LHFPL3: variants seen among roughly 807,000 people sequenced by gnomAD.
LHFPL3 encodes LHFPL tetraspan subfamily member 3, also known as LHFPL tetraspan subfamily member 3 protein.
LHFPL3 carries 5 observed loss-of-function variants against 19.3 expected under a neutral mutation model. That is an observed-to-expected ratio of 0.26 (90% confidence interval 0.14 to 0.54). LHFPL3 has a LOEUF of 0.54. Among genes scored for constraint, LHFPL3 ranks in the 20% least tolerant of loss-of-function variants. LHFPL3 has a pLI of 0.94. For missense variants in LHFPL3, 249 were observed against 307.4 expected (o/e 0.81, Z 1.42); for synonymous variants, 133 against 126.2 (o/e 1.05, Z -0.36).
intron 1 of LHFPL3, among the ~76,000 whole-genome samples, chr7:104,674,240 C>T (rs1005194249): frequency 2.0e-5 from 3 of 150,674 alleles, no homozygotes; most frequent in African/African-American, 7.3e-5. Flanking sequence ...CTGTCAATCA[C>T]ACCATATAGC....
intron 1 of LHFPL3, among the ~76,000 whole-genome samples, chr7:104,512,593 A>G (rs1400396701): frequency 1.3e-5 from 2 of 152,012 alleles, no homozygotes. Context: ...AAAATTAGCC[A>G]GGCGTGGTGA....
chr7:104,371,658 T>A (rs923604702), intron 1 of LHFPL3, among the ~76,000 whole-genome samples: 5 of 147,414 alleles, frequency 3.4e-5, no homozygotes, highest in African/African-American at 7.6e-5. Flanking sequence ...TTTTTTTTTT[T>A]ATATGAGTCA....
chr7:104,725,107 T>C (rs1489508828), intron 1 of LHFPL3, among the ~76,000 whole-genome samples: 1 of 152,232 alleles, frequency 6.6e-6, no homozygotes, highest in Non-Finnish European at 1.5e-5. Context: ...GAAAGTCATA[T>C]TTTGAAAACA....
intron 1 of LHFPL3, among the ~76,000 whole-genome samples, chr7:104,513,524 A>G (rs1398532833): frequency 6.6e-6 from 1 of 152,208 alleles, no homozygotes; most frequent in Admixed American, 6.5e-5. Context: ...CTGTGGTTTT[A>G]ATTCCAATCC....
intron 2 of LHFPL3, among the ~76,000 whole-genome samples, chr7:104,900,565 T>C (rs1792463556): frequency 6.6e-6 from 1 of 152,200 alleles, no homozygotes; most frequent in African/African-American, 2.4e-5. Context: ...TTGAAATCGG[T>C]ATGTCAGATC....
chr7:104,404,457 T>A (rs997518406), intron 1 of LHFPL3, among the ~76,000 whole-genome samples: 2 of 152,230 alleles, frequency 1.3e-5, no homozygotes, highest in Non-Finnish European at 2.9e-5. Flanking sequence ...TGGTCAATTT[T>A]TACTGAAGTA....
At chr7:104,881,871 C>T (rs1792064370) in intron 2 of LHFPL3, among the ~76,000 whole-genome samples, 1 of 152,132 alleles carries the variant, frequency 6.6e-6, no homozygotes, top group African/African-American at 2.4e-5. Context: ...CAGTCAGCCG[C>T]CATCAACATG....
intron 1 of LHFPL3, among the ~76,000 whole-genome samples, chr7:104,729,881 G>A (rs1197271612): frequency 6.6e-6 from 1 of 151,922 alleles, no homozygotes; most frequent in African/African-American, 2.4e-5. Flanking sequence ...ATCTCCTAAT[G>A]CTATCCCTCC....
At chr7:104,817,354 C>A (rs909458901) in intron 2 of LHFPL3, among the ~76,000 whole-genome samples, 8 of 152,054 alleles carry the variant, frequency 5.3e-5, no homozygotes, top group African/African-American at 1.9e-4. Context: ...CCCTTTTTCT[C>A]CTCATCTAAT....
At chr7:104,893,121 G>A (rs1792285319) in intron 2 of LHFPL3, among the ~76,000 whole-genome samples, 1 of 151,936 alleles carries the variant, frequency 6.6e-6, no homozygotes, top group Admixed American at 6.6e-5. Flanking sequence ...GGCTGAGGCT[G>A]GAGGATCACT....
chr7:104,595,354 T>C (rs1235937680), intron 1 of LHFPL3, among the ~76,000 whole-genome samples: 2 of 152,230 alleles, frequency 1.3e-5, no homozygotes, highest in Admixed American at 1.3e-4. Context: ...CCTGTTTGCC[T>C]GGGTATTACT....
chr7:104,396,798 A>AACAC (rs140544708), intron 1 of LHFPL3, among the ~76,000 whole-genome samples: 23 of 150,794 alleles, frequency 1.5e-4, no homozygotes, highest in Middle Eastern at 3.4e-3. Flanking sequence ...CTCTACCAAA[A>AACAC]ACACACACAC....
chr7:104,747,436 C>A (rs891167444), intron 2 of LHFPL3, among the ~76,000 whole-genome samples: 1 of 152,132 alleles, frequency 6.6e-6, no homozygotes, highest in East Asian at 1.9e-4. Flanking sequence ...AAGAATCCCC[C>A]GTGTAGAAAA....
At chr7:104,877,664 C>T (rs116152114) in intron 2 of LHFPL3, among the ~76,000 whole-genome samples, 63 of 151,970 alleles carry the variant, frequency 4.1e-4, no homozygotes, top group African/African-American at 1.4e-3. Context: ...TCATACATTG[C>T]GGATGGGAAT....
At chr7:104,364,640 G>A (rs1240806165) in intron 1 of LHFPL3, among the ~76,000 whole-genome samples, 1 of 152,150 alleles carries the variant, frequency 6.6e-6, no homozygotes, top group Admixed American at 6.6e-5. Flanking sequence ...TAGGAGAAAG[G>A]GAATCACATC....
chr7:104,389,514 G>T lies in LHFPL3; in HGVS notation c.445+60290G>T, dbSNP rs561757134. 5.9e-5 allele frequency among the ~76,000 whole-genome samples: 9 copies of T among 152,212 alleles called. No homozygotes were observed. The South Asian group carries it at 1.9e-3, about 32-fold the overall frequency. ...GTTCCTTTGTGGAAATCAACAAGTT[G>T]ATTCTAAAATTTCTATAAAAGTATA... On this transcript the variant is annotated intron_variant, in intron 1 of 2. Coordinates refer to ENST00000424859, the MANE Select transcript of LHFPL3 (RefSeq NM_199000.3).
chr7:104,731,268 T>C (rs1414496891), intron 1 of LHFPL3, among the ~76,000 whole-genome samples: 2 of 151,908 alleles, frequency 1.3e-5, no homozygotes, highest in Non-Finnish European at 2.9e-5. Context: ...AAGAAAGTCA[T>C]TGGTAGCTTG....
intron 2 of LHFPL3, among the ~76,000 whole-genome samples, chr7:104,875,276 T>C (rs534624040): frequency 6.6e-6 from 1 of 152,174 alleles, no homozygotes; most frequent in Non-Finnish European, 1.5e-5. Context: ...AAATTTGTCT[T>C]TGATGCTCTT....
chr7:104,414,820 AACTTTGACAAAT>A (rs1481327465), intron 1 of LHFPL3, among the ~76,000 whole-genome samples: 1 of 152,232 alleles, frequency 6.6e-6, no homozygotes, highest in Non-Finnish European at 1.5e-5. Flanking sequence ...ACTGAAAAAG[AACTTTGACAAAT>A]ACAGATTATG....
Sources: allele counts gnomAD v4.1 joint callset (sites outside exome capture counted in the v4.1 genomes callset), GRCh38; gene constraint gnomAD v4.1.1; transcripts MANE v1.5; gene names NCBI Gene and HGNC (gene_info 2026-07-23, HGNC 2026-07-21).